Variants in NEGR1 observed in about 807,000 individuals in gnomAD.
The protein encoded by NEGR1 is neuronal growth regulator 1.
Under a neutral mutation model 40.9 loss-of-function variants are expected in NEGR1, and 10 were observed. The ratio of observed to expected loss-of-function variants is 0.24; its 90% confidence interval spans 0.15 to 0.42. The LOEUF (loss-of-function observed/expected upper bound fraction) is 0.42. Ranked by LOEUF, NEGR1 falls within the 10% of genes least tolerant of loss-of-function variation. The pLI is 1.00. For synonymous variants in NEGR1, 185 were observed against 166.8 expected (o/e 1.11, Z -0.84); for missense variants, 352 against 438.9 (o/e 0.80, Z 1.77).
At chr1:72,192,384 T>TA (rs1171140416) in intron 1 of NEGR1, among the ~76,000 whole-genome samples, 2 of 151,768 alleles carry the variant, frequency 1.3e-5, no homozygotes, top group Non-Finnish European at 2.9e-5. Flanking sequence ...TCTTCTGCTG[T>TA]AAAAAAGAGC....
chr1:72,047,044 G>C (rs1421935957), intron 1 of NEGR1, among the ~76,000 whole-genome samples: 2 of 151,198 alleles, frequency 1.3e-5, no homozygotes, highest in Non-Finnish European at 3.0e-5. Context: ...TCCATACTTA[G>C]TATCAAAAAA....
At chr1:71,625,048 C>A (rs949444179) in intron 4 of NEGR1, among the ~76,000 whole-genome samples, 2 of 151,932 alleles carry the variant, frequency 1.3e-5, no homozygotes, top group Non-Finnish European at 2.9e-5. Context: ...AAGTAATCAT[C>A]AAACTATTTG....
chr1:72,111,112 G>A (rs896861765), intron 1 of NEGR1, among the ~76,000 whole-genome samples: 1 of 135,202 alleles, frequency 7.4e-6, no homozygotes, highest in African/African-American at 2.7e-5. Flanking sequence ...ACACACACAC[G>A]TATATATATA....
At chr1:71,982,277 A>G (rs534161550) in intron 1 of NEGR1, among the ~76,000 whole-genome samples, 1 of 152,166 alleles carries the variant, frequency 6.6e-6, no homozygotes, top group Non-Finnish European at 1.5e-5. Context: ...GTGCTTTTAC[A>G]TAACTTGTTT....
chr1:71,708,126 CATT>C (rs1653966477), intron 3 of NEGR1, among the ~76,000 whole-genome samples: 1 of 151,946 alleles, frequency 6.6e-6, no homozygotes, highest in Non-Finnish European at 1.5e-5. Flanking sequence ...GAATCAACAT[CATT>C]GAGGAAAACA....
At chr1:71,702,653 G>A (rs188328338) in intron 3 of NEGR1, among the ~76,000 whole-genome samples, 14 of 150,130 alleles carry the variant, frequency 9.3e-5, no homozygotes, top group African/African-American at 2.4e-4. Flanking sequence ...CATTCAGATC[G>A]CTATTATATT....
chr1:72,133,350 T>C (rs1410833888), intron 1 of NEGR1, among the ~76,000 whole-genome samples: 4 of 152,212 alleles, frequency 2.6e-5, no homozygotes, highest in African/African-American at 9.6e-5. Flanking sequence ...GCCCATTTAA[T>C]GAGAAAATAT....
chr1:71,943,014 A>G (rs1029119553), intron 1 of NEGR1, among the ~76,000 whole-genome samples: 28 of 133,818 alleles, frequency 2.1e-4, no homozygotes, highest in African/African-American at 6.0e-4. Flanking sequence ...GTATATATAT[A>G]TGTGTATATA....
chr1:71,683,779 T>TA (rs1312591371), intron 4 of NEGR1, among the ~76,000 whole-genome samples: 3 of 151,546 alleles, frequency 2.0e-5, no homozygotes, highest in Non-Finnish European at 4.4e-5. Context: ...TAGGATTTTT[T>TA]TTTTTTTTTA....
intron 1 of NEGR1, chr1:72,274,713 T>C: frequency 2.0e-6 from 2 of 1,013,980 alleles, no homozygotes; most frequent in Admixed American, 3.4e-5. Context: ...TTGTGCAGAA[T>C]GGAAAAGTAA....
At chr1:71,650,771 A>G (rs1651685990) in intron 4 of NEGR1, among the ~76,000 whole-genome samples, 1 of 152,154 alleles carries the variant, frequency 6.6e-6, no homozygotes, top group Admixed American at 6.6e-5. Flanking sequence ...TGTAGTATAA[A>G]AGAAAAAAAT....
chr1:71,867,100 C>T (rs1660136105), intron 2 of NEGR1, among the ~76,000 whole-genome samples: 1 of 152,184 alleles, frequency 6.6e-6, no homozygotes, highest in African/African-American at 2.4e-5. Context: ...CGCCTGTAAT[C>T]CCGGCACTTT....
At chr1:71,926,494 T>A (rs1645774331) in intron 2 of NEGR1, among the ~76,000 whole-genome samples, 1 of 152,086 alleles carries the variant, frequency 6.6e-6, no homozygotes, top group African/African-American at 2.4e-5. Flanking sequence ...ATTAGAATCT[T>A]CCTTGCTGGT....
intron 6 of NEGR1, among the ~76,000 whole-genome samples, chr1:71,537,484 T>G (rs1299272136): frequency 6.6e-6 from 1 of 151,734 alleles, no homozygotes; most frequent in Non-Finnish European, 1.5e-5. Context: ...TCACCAAAAC[T>G]GGAAGAGAGG....
chr1:72,257,308 C>A (rs1227166346), intron 1 of NEGR1, among the ~76,000 whole-genome samples: 2 of 114,904 alleles, frequency 1.7e-5, no homozygotes, highest in African/African-American at 7.3e-5. Flanking sequence ...GGCGACAGAG[C>A]GAGACTCTGT....
chr1:71,655,955 A>G (rs1164774170), intron 4 of NEGR1, among the ~76,000 whole-genome samples: 2 of 152,162 alleles, frequency 1.3e-5, no homozygotes, highest in African/African-American at 4.8e-5. Context: ...GATTCACATT[A>G]TTACCTTTTT....
chr1:72,244,736 A>T (rs1449143163), intron 1 of NEGR1, among the ~76,000 whole-genome samples: 9 of 152,022 alleles, frequency 5.9e-5, no homozygotes, highest in Admixed American at 5.9e-4. Flanking sequence ...CAATCAATAA[A>T]TATATAACAT....
At chr1:71,599,633 G>A (rs909915826) in intron 5 of NEGR1, among the ~76,000 whole-genome samples, 1 of 152,066 alleles carries the variant, frequency 6.6e-6, no homozygotes, top group Non-Finnish European at 1.5e-5. Flanking sequence ...GCCCCAAGGG[G>A]TATCTATCTT....
chr1:72,111,319 TAA>T (rs1468646851), intron 1 of NEGR1, among the ~76,000 whole-genome samples: 1 of 151,680 alleles, frequency 6.6e-6, no homozygotes, highest in Non-Finnish European at 1.5e-5. Context: ...CAGCTAGAGA[TAA>T]AGAGTATTAG....
Sources: allele counts gnomAD v4.1 joint callset (sites outside exome capture counted in the v4.1 genomes callset), GRCh38; gene constraint gnomAD v4.1.1; transcripts MANE v1.5; gene names NCBI Gene and HGNC (gene_info 2026-07-23, HGNC 2026-07-21).